Variants in MAGEC3 observed in about 807,000 individuals in gnomAD.
The protein encoded by MAGEC3 is MAGE family member C3.
Under a neutral mutation model 35.3 loss-of-function variants are expected in MAGEC3, and 34 were observed. The ratio of observed to expected loss-of-function variants is 0.96; its 90% CI spans 0.73 to 1.28. The LOEUF (loss-of-function observed/expected upper bound fraction) is 1.28, where lower values mean the gene tolerates loss of function less well. MAGEC3 is among the 50% of genes most tolerant of loss of function. The pLI is 0.00. For missense variants in MAGEC3, 561 were observed against 483.6 expected (o/e 1.16, Z -1.50); for synonymous variants, 202 against 185.6 (o/e 1.09, Z -0.72).
chrX:141,857,326 G>A (rs1485832882), intron 1 of MAGEC3, among the ~76,000 whole-genome samples: 4 of 111,248 alleles, frequency 3.6e-5, no homozygotes, highest in Admixed American at 2.9e-4. Flanking sequence ...AATCAAAGCT[G>A]CTTTTTTACT....
intron 3 of MAGEC3, 78 bp downstream of exon 3, chrX:141,879,509 G>T: frequency 9.3e-7 from 1 of 1,080,948 alleles, no homozygotes; most frequent in Admixed American, 3.0e-5. Flanking sequence ...GGCAGGAAGG[G>T]GTGGAAAGGG....
At chrX:141,867,485 C>T (rs185516651) in intron 2 of MAGEC3, among the ~76,000 whole-genome samples, 27 of 111,607 alleles carry the variant, frequency 2.4e-4, no homozygotes, top group African/African-American at 6.8e-4. Context: ...TAAACTCTCC[C>T]GCCCTAAATC....
At chrX:141,864,895 A>G (rs2017838492) in intron 1 of MAGEC3, among the ~76,000 whole-genome samples, 1 of 112,293 alleles carries the variant, frequency 8.9e-6, no homozygotes, top group South Asian at 3.7e-4. Context: ...CCTTGCTAGC[A>G]GTTAGTAATG....
chrX:141,865,349 T>A (rs2124100379), intron 1 of MAGEC3, 122 bp from the exon 2 acceptor site: 1 of 639,469 alleles, frequency 1.6e-6, no homozygotes, highest in Non-Finnish European at 2.1e-6. Flanking sequence ...AATTTGACAT[T>A]TTTTTTCTCT....
chrX:141,858,782 G>T (rs1313217795), intron 1 of MAGEC3, among the ~76,000 whole-genome samples: 1 of 110,633 alleles, frequency 9.0e-6, no homozygotes, highest in African/African-American at 3.3e-5. Context: ...TATAGTGTGT[G>T]TATGTTTGTG....
rs1441267039 is a variant in MAGEC3, at chrX:141,897,315, C to T, written c.1557C>T (p.Asp519=). The T allele has an allele frequency of 7.4e-6, 9 of 1,211,797 alleles. No homozygotes were observed. In the South Asian group the frequency reaches 1.6e-4, roughly 21 times the overall value. ...FGIALTDMDP[D]NHSYFFEDTL... is the part of the protein sequence containing the mutation. The stretch of plus-strand genomic sequence containing the variant: ...TTGCCCTGACTGATATGGACCCCGA[C>T]AACCACTCCTATTTCTTTGAAGACA... The change falls in exon 7 of 8, where the codon GAC becomes GAT. Residue 519 remains aspartate, a synonymous_variant. Coordinates refer to ENST00000298296, the MANE Select transcript of MAGEC3 (RefSeq NM_138702.1).
At chrX:141,865,705 A>G (rs984350346) in intron 2 of MAGEC3, 100 bp downstream of exon 2, 1 of 938,132 alleles carries the variant, frequency 1.1e-6, no homozygotes, top group East Asian at 3.4e-5. Context: ...GGCCCAAGGC[A>G]GGTTTCCCCA....
chrX:141,879,075 C>A, intron 2 of MAGEC3, 100 bp from the exon 3 acceptor site: 1 of 1,002,908 alleles, frequency 1.0e-6, no homozygotes, highest in Non-Finnish European at 1.3e-6. Context: ...GCAGGAAGGC[C>A]AGGCGGTTTC....
intron 1 of MAGEC3, among the ~76,000 whole-genome samples, chrX:141,851,752 C>G (rs1375675521): frequency 9.0e-6 from 1 of 111,231 alleles, no homozygotes; most frequent in African/African-American, 3.3e-5. Flanking sequence ...GAATTGACCA[C>G]AAATGTGTGA....
intron 1 of MAGEC3, chrX:141,839,330 T>C (rs2017672433): frequency 1.5e-6 from 1 of 658,210 alleles, no homozygotes; most frequent in Non-Finnish European, 1.8e-6. Flanking sequence ...ACAAAATGCC[T>C]CTAGTCTGCC....
intron 1 of MAGEC3, chrX:141,838,934 G>A (rs2017669630): frequency 7.7e-6 from 5 of 647,947 alleles, no homozygotes; most frequent in Non-Finnish European, 5.5e-6. Flanking sequence ...ATGGTACTTT[G>A]TTGTAGCTGC....
chrX:141,880,923 G>C, intron 3 of MAGEC3: 1 of 741,285 alleles, frequency 1.3e-6, no homozygotes, highest in Non-Finnish European at 2.1e-6. Flanking sequence ...CCTGTTGGAT[G>C]CCATCATCCA....
chrX:141,885,559 A>G (rs1203666967), intron 4 of MAGEC3, among the ~76,000 whole-genome samples: 1 of 104,278 alleles, frequency 9.6e-6, no homozygotes, highest in Non-Finnish European at 1.9e-5. Flanking sequence ...CAGCTACTCA[A>G]GAGGCTGAGG....
In MAGEC3 at chrX:141,881,750, A is replaced by G; in HGVS notation, c.863A>G (p.Asn288Ser). The G allele has an allele frequency of 8.3e-7, 1 of 1,211,644 alleles. No homozygotes were observed. The highest frequency in any genetic ancestry group is 1.7e-5 in the African/African-American group (1 of 57,701). The stretch of plus-strand genomic sequence containing the variant: ...CTGAGTGTGATCTTCATAAAGGGCA[A>G]CTGTGCATCTGAGGAGGTCATCTGG... ...LILSVIFIKG[N>S]CASEEVIWEV... Residue 288 changes from asparagine to serine, a missense_variant, in exon 4 of 8, where the codon AAC becomes AGC. Transcript: ENST00000298296.
At chrX:141,857,680 A>G (rs1834669876) in intron 1 of MAGEC3, among the ~76,000 whole-genome samples, 1 of 110,156 alleles carries the variant, frequency 9.1e-6, no homozygotes, top group African/African-American at 3.3e-5. Flanking sequence ...AGATGACTCC[A>G]CCCCACTTTA....
chrX:141,847,830 C>T (rs1192867322), intron 1 of MAGEC3, among the ~76,000 whole-genome samples: 3 of 110,414 alleles, frequency 2.7e-5, no homozygotes, highest in Non-Finnish European at 5.7e-5. Flanking sequence ...AAATTAAATC[C>T]AAAGCATACA....
chrX:141,897,593 C>T (rs776663315), intron 7 of MAGEC3, 36 bp from the exon 8 acceptor site: 7 of 1,197,347 alleles, frequency 5.8e-6, no homozygotes, highest in Non-Finnish European at 6.7e-6. Context: ...CCCAACAGTG[C>T]TCCTCCACGT....
chrX:141,893,561 C>T (rs2018058997), intron 4 of MAGEC3, among the ~76,000 whole-genome samples: 3 of 109,538 alleles, frequency 2.7e-5, no homozygotes, highest in Non-Finnish European at 5.7e-5. Flanking sequence ...GTGGACTTGA[C>T]CTAATAATGA....
intron 1 of MAGEC3, among the ~76,000 whole-genome samples, chrX:141,857,916 CAG>C (rs2124093867): frequency 9.0e-6 from 1 of 111,237 alleles, no homozygotes; most frequent in South Asian, 3.8e-4. Context: ...GCACCTCGAA[CAG>C]AGTCTATCAC....
Sources: allele counts gnomAD v4.1 joint callset (sites outside exome capture counted in the v4.1 genomes callset), GRCh38; gene constraint gnomAD v4.1.1; transcripts MANE v1.5; gene names NCBI Gene and HGNC (gene_info 2026-07-23, HGNC 2026-07-21).